The following DMD variants were observed in gnomAD, a reference collection of about 807,000 sequenced individuals.
The protein encoded by DMD is mutant dystrophin.
In DMD, 63 loss-of-function variants were observed where a neutral mutation model predicts 330.1. That is an observed-to-expected ratio of 0.19 (90% CI 0.16 to 0.24). DMD has a LOEUF of 0.24. Among genes scored for constraint, DMD ranks in the 10% least tolerant of loss-of-function variants. DMD has a pLI of 1.00. For synonymous variants in DMD, 1,223 were observed against 959.8 expected, an observed-to-expected ratio of 1.27 and a Z score of -5.07; for missense variants, 3,344 against 2,684.1, an observed-to-expected ratio of 1.25 and a Z score of -5.43.
chrX:31,413,978 G>A (rs900658766), intron 60 of DMD, among the ~76,000 whole-genome samples: 4 of 110,361 alleles, frequency 3.6e-5, no homozygotes, highest in African/African-American at 6.6e-5. Flanking sequence ...TTCCAAATAC[G>A]GTTTCTCCCA....
intron 44 of DMD, among the ~76,000 whole-genome samples, chrX:32,069,449 T>C (rs2147776080): frequency 8.9e-6 from 1 of 111,920 alleles, no homozygotes; most frequent in South Asian, 3.7e-4. Flanking sequence ...TACAATAAAA[T>C]ATTCTAATAG....
Position 32,783,394 on chromosome X carries a change from T to C in DMD, c.649+26099A>G, listed in dbSNP as rs1290041078. Among the ~76,000 whole-genome samples, 4 of 105,089 alleles carry C rather than the reference T, an allele frequency of 3.8e-5. No homozygotes were observed. In the South Asian group the frequency reaches 1.2e-3, roughly 32 times the overall value. 91.3% of individuals were successfully genotyped at this position (105,089 alleles called of 115,157 possible). On this transcript the variant is annotated intron_variant, in intron 7 of 78. Transcript: ENST00000357033. ...TATATACACATATATACCATATATA[T>C]ACACACACACCCCTAGTATGTACCC...
intron 16 of DMD, among the ~76,000 whole-genome samples, chrX:32,550,186 C>A (rs2049394324): frequency 9.0e-6 from 1 of 111,508 alleles, no homozygotes; most frequent in Admixed American, 9.6e-5. Context: ...ATTTGTGTAT[C>A]CAAACATATC....
chrX:31,658,916 TA>T (rs1365851024), intron 53 of DMD, among the ~76,000 whole-genome samples: 2 of 112,061 alleles, frequency 1.8e-5, no homozygotes, highest in Non-Finnish European at 3.8e-5. Context: ...AGCATTAAGA[TA>T]ATACTAATTG....
chrX:32,069,249 A>T (rs1398272156), intron 44 of DMD, among the ~76,000 whole-genome samples: 3 of 111,812 alleles, frequency 2.7e-5, no homozygotes, highest in Non-Finnish European at 3.8e-5. Flanking sequence ...GCTTGTATCA[A>T]AATATCACTA....
At chrX:32,444,552 C>G (rs1312975305) in intron 27 of DMD, among the ~76,000 whole-genome samples, 1 of 110,945 alleles carries the variant, frequency 9.0e-6, no homozygotes, top group East Asian at 2.8e-4. Context: ...TTTTGGAGAA[C>G]TGTACAATAA....
chrX:31,952,374 T>C (rs1241289037), intron 45 of DMD, among the ~76,000 whole-genome samples: 1 of 111,298 alleles, frequency 9.0e-6, no homozygotes, highest in African/African-American at 3.3e-5. Flanking sequence ...CTATGACTCA[T>C]GTTCGTTTTT....
At position 32,568,936 on chromosome X, in the gene DMD, T is replaced by TA. The variant is rs752275042; in HGVS notation, c.1813-3056dup. Among the ~76,000 whole-genome samples the TA allele has an allele frequency of 2.7e-5, 3 of 112,377 alleles. No homozygotes were observed. In the East Asian group the frequency reaches 8.4e-4, roughly 31 times the overall value. ...CTATGATTTGTTACTAATTATTGCA[T>TA]AAAATATGTATTTCTACATATCAAT... On this transcript the variant is annotated intron_variant, in intron 15 of 78. Transcript: ENST00000357033.
At chrX:32,345,460 G>C (rs1007162586) in intron 39 of DMD, among the ~76,000 whole-genome samples, 1 of 110,973 alleles carries the variant, frequency 9.0e-6, no homozygotes, top group African/African-American at 3.3e-5. Context: ...TGCAAAGAGT[G>C]ACTTTCTTAA....
intron 20 of DMD, among the ~76,000 whole-genome samples, chrX:32,489,079 T>C (rs1481913748): frequency 3.6e-5 from 4 of 111,458 alleles, no homozygotes. Flanking sequence ...AAGCTTTGCA[T>C]CTTAGTTTAA....
chrX:31,273,162 A>G (rs772615203), intron 62 of DMD, among the ~76,000 whole-genome samples: 379 of 112,065 alleles, frequency 3.4e-3, no homozygotes, highest in Admixed American at 6.8e-3. Context: ...AAAAAAATCA[A>G]CGCAGCTTTA....
At chrX:33,306,153 G>T (rs2053759785) in intron 1 of DMD, among the ~76,000 whole-genome samples, 1 of 111,936 alleles carries the variant, frequency 8.9e-6, no homozygotes, top group South Asian at 3.7e-4. Flanking sequence ...ATAGAGACAA[G>T]TATCCAGCTT....
At chrX:32,556,386 C>A (rs1462464003) in intron 16 of DMD, among the ~76,000 whole-genome samples, 1 of 111,142 alleles carries the variant, frequency 9.0e-6, no homozygotes, top group Non-Finnish European at 1.9e-5. Context: ...TTAGTTCAAC[C>A]CTTGTGGAAG....
At chrX:32,893,264 C>T (rs745831099) in intron 2 of DMD, among the ~76,000 whole-genome samples, 1 of 111,966 alleles carries the variant, frequency 8.9e-6, no homozygotes, top group East Asian at 2.8e-4. Flanking sequence ...CTTTTTACCC[C>T]ATGCTTCCTT....
intron 1 of DMD, among the ~76,000 whole-genome samples, chrX:33,134,840 C>T (rs764889333): frequency 1.1e-3 from 119 of 112,018 alleles, no homozygotes; most frequent in Non-Finnish European, 1.9e-3. Context: ...ACCAACAGAA[C>T]GAATTCTTCC....
At chrX:32,123,069 G>A (rs1292350812) in intron 44 of DMD, among the ~76,000 whole-genome samples, 1 of 105,524 alleles carries the variant, frequency 9.5e-6, no homozygotes, top group East Asian at 3.0e-4. Flanking sequence ...TACAGCCTCT[G>A]GTCCCCAAAT....
chrX:33,009,942 A>G (rs1253143463), intron 2 of DMD, among the ~76,000 whole-genome samples: 1 of 52,679 alleles, frequency 1.9e-5, no homozygotes, highest in African/African-American at 9.8e-5. Context: ...GTGTGTATAT[A>G]CACGTGTGTA....
intron 50 of DMD, among the ~76,000 whole-genome samples, chrX:31,814,617 G>C (rs1427965958): frequency 9.2e-6 from 1 of 109,126 alleles, no homozygotes; most frequent in Non-Finnish European, 1.9e-5. Flanking sequence ...CTGATTTGGA[G>C]TCTTCACATT....
At chrX:32,626,466 CT>C (rs2058352513) in intron 11 of DMD, among the ~76,000 whole-genome samples, 1 of 104,841 alleles carries the variant, frequency 9.5e-6, no homozygotes, top group Non-Finnish European at 1.9e-5. Flanking sequence ...AAAACTCCGT[CT>C]TAAAAAAATA....
Sources: gnomAD v4.1 joint callset for allele counts (sites outside exome capture counted in the v4.1 genomes callset) on GRCh38, gnomAD v4.1.1 for gene constraint, MANE v1.5 for transcripts, NCBI Gene and HGNC (gene_info 2026-07-23, HGNC 2026-07-21) for gene names.